FRMPD3: variants seen among roughly 807,000 people sequenced by gnomAD.
The protein encoded by FRMPD3 is FERM and PDZ domain containing 3.
In FRMPD3, 42 loss-of-function variants were observed where a neutral mutation model predicts 97.9. That is an observed-to-expected ratio of 0.43 (90% CI 0.34 to 0.55). FRMPD3 has a LOEUF of 0.55. Among genes scored for constraint, FRMPD3 ranks in the 20% least tolerant of loss-of-function variants. The probability of loss-of-function intolerance (pLI) is 0.03; values close to 1 mark genes in which losing one functional copy is unlikely to be tolerated. For missense variants in FRMPD3, 1,303 were observed against 1,457.7 expected (o/e 0.89, Z 1.73); for synonymous variants, 577 against 581.1 (o/e 0.99, Z 0.10).
chrX:107,591,725 T>A (rs906792185), intron 13 of FRMPD3, among the ~76,000 whole-genome samples: 2 of 111,831 alleles, frequency 1.8e-5, no homozygotes, highest in African/African-American at 6.5e-5. Flanking sequence ...TTTGGGTTGT[T>A]TGCTCTTCTT....
intron 1 of FRMPD3, among the ~76,000 whole-genome samples, chrX:107,454,552 A>T (rs1931344961): frequency 9.0e-6 from 1 of 111,362 alleles, no homozygotes; most frequent in Non-Finnish European, 1.9e-5. Flanking sequence ...CCTATGCCCC[A>T]GTCCACCCTG....
chrX:107,520,661 A>G (rs1922479197), intron 1 of FRMPD3, among the ~76,000 whole-genome samples: 1 of 111,261 alleles, frequency 9.0e-6, no homozygotes, highest in Non-Finnish European at 1.9e-5. Context: ...AAACAAAACA[A>G]CAACAACAAC....
chrX:107,601,394 G>C lies in FRMPD3; in HGVS notation c.3355G>C (p.Glu1119Gln), dbSNP rs768248131. Residue 1119 changes from glutamate to glutamine, a missense_variant, in exon 15 of 15, where the codon GAA (glutamate) becomes CAA (glutamine). By Grantham distance (29) the Glu-to-Gln change is conservative. This residue lies in a region of FRMPD3 where 764 missense variants were observed against 820.2 expected (regional missense o/e 0.93). Transcript: ENST00000683843. ...LESTPKRSKL[E>Q]ETSLVPRATY... ...GAGCACACCCAAAAGAAGCAAGCTC[G>C]AAGAGACCAGCCTGGTTCCCCGAGC... 3.3e-6 allele frequency: 4 copies of C among 1,201,485 alleles called. No homozygotes were observed. The highest frequency in any genetic ancestry group is 4.5e-6 in the Non-Finnish European group (4 of 891,459).
chrX:107,533,467 A>G, intron 3 of FRMPD3, 38 bp from the exon 4 acceptor site: 2 of 1,154,382 alleles, frequency 1.7e-6, no homozygotes, highest in Non-Finnish European at 2.4e-6. Context: ...TACCTAGTGC[A>G]TGATACACTA....
At chrX:107,578,179 G>A (rs991958922) in intron 13 of FRMPD3, among the ~76,000 whole-genome samples, 1 of 112,071 alleles carries the variant, frequency 8.9e-6, no homozygotes, top group East Asian at 2.8e-4. Flanking sequence ...GAAGAACCTG[G>A]AGCCCAGCCA....
chrX:107,503,031 G>A (rs1019102988), intron 1 of FRMPD3, among the ~76,000 whole-genome samples: 3 of 111,596 alleles, frequency 2.7e-5, no homozygotes, highest in Non-Finnish European at 5.7e-5. Flanking sequence ...CCTCATCCTA[G>A]GGCAGATATA....
At chrX:107,467,779 C>A (rs767113604) in intron 1 of FRMPD3, among the ~76,000 whole-genome samples, 1 of 111,102 alleles carries the variant, frequency 9.0e-6, no homozygotes, top group Non-Finnish European at 1.9e-5. Context: ...CCTACTCAGA[C>A]AGAGACTCCC....
chrX:107,594,785 G>A (rs1347849037), intron 13 of FRMPD3, among the ~76,000 whole-genome samples: 1 of 111,500 alleles, frequency 9.0e-6, no homozygotes, highest in Non-Finnish European at 1.9e-5. Context: ...GGAGGCTGAG[G>A]CAGGAGAATC....
intron 3 of FRMPD3, among the ~76,000 whole-genome samples, chrX:107,532,704 A>G (rs1923021180): frequency 8.9e-6 from 1 of 112,477 alleles, no homozygotes; most frequent in Non-Finnish European, 1.9e-5. Flanking sequence ...CATTTCTTGA[A>G]TATCCAGAAT....
chrX:107,501,297 G>A (rs963945953), intron 1 of FRMPD3, among the ~76,000 whole-genome samples: 2 of 104,659 alleles, frequency 1.9e-5, no homozygotes, highest in African/African-American at 6.9e-5. Context: ...CTATTGGGGA[G>A]GCCAAAGGTT....
intron 3 of FRMPD3, among the ~76,000 whole-genome samples, chrX:107,532,450 A>G (rs1212434695): frequency 1.8e-5 from 2 of 112,540 alleles, no homozygotes; most frequent in Non-Finnish European, 3.8e-5. Context: ...AAGCCACCAT[A>G]GGGACTGTGG....
intron 1 of FRMPD3, among the ~76,000 whole-genome samples, chrX:107,491,707 T>G (rs1921662621): frequency 8.9e-6 from 1 of 111,874 alleles, no homozygotes; most frequent in African/African-American, 3.3e-5. Flanking sequence ...ACCATGGGCA[T>G]GAGCAAATGC....
rs1602776195 is a variant in FRMPD3 at position 107,528,022 on chromosome X, G to C, written c.148+1286G>C. On this transcript the variant is annotated intron_variant, in intron 2 of 14. Transcript: ENST00000683843. Reference sequence around the variant, plus strand: ...CCCTACTTTAACTTCAAATGAGACAGAATCTGCACAGCTGAAGGAAGCCCC... The same window carrying C: ...CCCTACTTTAACTTCAAATGAGACACAATCTGCACAGCTGAAGGAAGCCCC... Among the ~76,000 whole-genome samples the C allele has an allele frequency of 4.5e-5, 5 of 111,378 alleles. No homozygotes were observed. In the South Asian group the frequency reaches 1.9e-3, roughly 43 times the overall value.
intron 1 of FRMPD3, among the ~76,000 whole-genome samples, chrX:107,476,386 G>C (rs764518361): frequency 1.8e-5 from 2 of 112,363 alleles, no homozygotes; most frequent in African/African-American, 3.2e-5. Flanking sequence ...GGATTTTGTT[G>C]GCTGAAGTTT....
intron 5 of FRMPD3, among the ~76,000 whole-genome samples, chrX:107,548,147 C>A (rs1921701716): frequency 8.9e-6 from 1 of 112,231 alleles, no homozygotes; most frequent in Non-Finnish European, 1.9e-5. Context: ...TCTGGCTTCT[C>A]AAATCATCCA....
intron 2 of FRMPD3, among the ~76,000 whole-genome samples, chrX:107,528,354 C>T (rs1463597336): frequency 9.0e-6 from 1 of 111,300 alleles, no homozygotes; most frequent in Admixed American, 9.5e-5. Context: ...CTGATGTTAC[C>T]GGTACCATCA....
At chrX:107,464,059 C>T (rs1931519339) in intron 1 of FRMPD3, among the ~76,000 whole-genome samples, 1 of 111,423 alleles carries the variant, frequency 9.0e-6, no homozygotes, top group Admixed American at 9.5e-5. Flanking sequence ...GTGACATAGA[C>T]AAAAACATGT....
intron 1 of FRMPD3, among the ~76,000 whole-genome samples, chrX:107,524,290 T>A (rs1922608907): frequency 1.8e-5 from 2 of 112,396 alleles, no homozygotes; most frequent in African/African-American, 6.5e-5. Context: ...GTCCTAGGAG[T>A]GTGCCTGTCC....
chrX:107,475,076 A>G (rs1267730656), intron 1 of FRMPD3, among the ~76,000 whole-genome samples: 1 of 112,026 alleles, frequency 8.9e-6, no homozygotes, highest in Non-Finnish European at 1.9e-5. Flanking sequence ...ATGTGTCTGA[A>G]TATGTGTATG....
Sources: allele counts gnomAD v4.1 joint callset (sites outside exome capture counted in the v4.1 genomes callset), GRCh38; gene constraint gnomAD v4.1.1; regional missense constraint gnomAD v4.1.1; transcripts MANE v1.5; gene names NCBI Gene and HGNC (gene_info 2026-07-23, HGNC 2026-07-21).